Variants in FAM13A observed in about 807,000 individuals in gnomAD.
FAM13A encodes protein FAM13A.
Under a neutral mutation model 129.6 loss-of-function variants are expected in FAM13A, and 76 were observed. That is an observed-to-expected ratio of 0.59 (90% CI 0.49 to 0.71). FAM13A has a LOEUF of 0.71. Among genes scored for constraint, FAM13A ranks in the 30% least tolerant of loss-of-function variants. FAM13A has a pLI of 0.00. For synonymous variants in FAM13A, 443 were observed against 449.9 expected, an observed-to-expected ratio of 0.98 and a Z score of 0.20; for missense variants, 1,108 against 1,249.3, an observed-to-expected ratio of 0.89 and a Z score of 1.70.
intron 5 of FAM13A, among the ~76,000 whole-genome samples, chr4:88,910,993 C>T (rs1446074091): frequency 1.3e-5 from 2 of 152,178 alleles, no homozygotes; most frequent in South Asian, 4.1e-4. Context: ...TGTGAGAGGA[C>T]TTGGTCAGTC....
chr4:88,942,806 G>A (rs928161804), intron 4 of FAM13A, among the ~76,000 whole-genome samples: 3 of 152,014 alleles, frequency 2.0e-5, no homozygotes, highest in Non-Finnish European at 2.9e-5. Context: ...CTCCTTACAA[G>A]GTGAAAAATT....
intron 13 of FAM13A, among the ~76,000 whole-genome samples, chr4:88,766,603 G>T (rs1448940725): frequency 6.6e-6 from 1 of 152,126 alleles, no homozygotes; most frequent in Non-Finnish European, 1.5e-5. Flanking sequence ...TTCTAAGAGG[G>T]TCTGTAGCTT....
intron 6 of FAM13A, 118 bp from the exon 7 acceptor site, chr4:88,851,301 C>A: frequency 2.4e-6 from 2 of 822,030 alleles, no homozygotes; most frequent in African/African-American, 1.7e-5. Context: ...TTTATAACAC[C>A]CCAGAAAAAT....
intron 5 of FAM13A, among the ~76,000 whole-genome samples, chr4:88,920,503 A>C (rs1052368622): frequency 1.1e-4 from 16 of 152,332 alleles, no homozygotes; most frequent in African/African-American, 3.8e-4. Flanking sequence ...GTCTGTTAGA[A>C]GGAAAACTAA....
At chr4:88,786,105 C>T (rs977299156) in intron 10 of FAM13A, among the ~76,000 whole-genome samples, 1 of 152,132 alleles carries the variant, frequency 6.6e-6, no homozygotes, top group South Asian at 2.1e-4. Context: ...TATTTAAATT[C>T]TTCAGGAGAG....
At chr4:88,924,939 AAG>A (rs1751838020) in intron 5 of FAM13A, among the ~76,000 whole-genome samples, 1 of 151,606 alleles carries the variant, frequency 6.6e-6, no homozygotes. Context: ...ATGCAGCCAA[AAG>A]ACACATGAAA....
At chr4:88,850,848 G>C (rs1275219020) in intron 7 of FAM13A, among the ~76,000 whole-genome samples, 172 bp downstream of exon 7, 1 of 152,082 alleles carries the variant, frequency 6.6e-6, no homozygotes, top group Non-Finnish European at 1.5e-5. Context: ...TCTGTGATAA[G>C]AACTATTAGT....
chr4:88,729,235 GC>G (rs1737098459), intron 23 of FAM13A: 1 of 152,578 alleles, frequency 6.6e-6, no homozygotes, highest in African/African-American at 2.4e-5. Context: ...TATAGGTCAA[GC>G]CCTGTGCTAA....
At chr4:89,005,194 G>A (rs548772644) in intron 3 of FAM13A, among the ~76,000 whole-genome samples, 5 of 152,182 alleles carry the variant, frequency 3.3e-5, no homozygotes, top group Non-Finnish European at 5.9e-5. Flanking sequence ...ATGTTAGTTT[G>A]CTAAGGATAA....
intron 6 of FAM13A, among the ~76,000 whole-genome samples, chr4:88,858,677 G>GTCTA (rs767397248): frequency 3.3e-5 from 5 of 152,184 alleles, no homozygotes; most frequent in Non-Finnish European, 5.9e-5. Context: ...GGCAGGAAAT[G>GTCTA]TCTAGAACAC....
intron 6 of FAM13A, among the ~76,000 whole-genome samples, chr4:88,874,128 T>G (rs1310819110): frequency 2.0e-5 from 3 of 152,184 alleles, no homozygotes; most frequent in Non-Finnish European, 4.4e-5. Flanking sequence ...TAGGTACTGA[T>G]GGAACATATC....
chr4:88,932,335 A>T (rs1481676522), intron 5 of FAM13A, among the ~76,000 whole-genome samples: 1 of 152,226 alleles, frequency 6.6e-6, no homozygotes. Context: ...TCAGTAGTAA[A>T]TGAGATACAT....
chr4:88,904,119 A>G (rs1243805804), intron 6 of FAM13A, among the ~76,000 whole-genome samples: 3 of 152,150 alleles, frequency 2.0e-5, no homozygotes, highest in African/African-American at 7.2e-5. Flanking sequence ...AAGAAAGAAC[A>G]GATGCTGATG....
chr4:88,800,091 C>T (rs1421845820), intron 8 of FAM13A, among the ~76,000 whole-genome samples: 5 of 152,088 alleles, frequency 3.3e-5, no homozygotes, highest in East Asian at 3.8e-4. Flanking sequence ...ATGAGGTACC[C>T]GGAGTAGTCA....
chr4:88,861,380 CAAAAAAAAAA>C lies in FAM13A; in HGVS notation c.844-10207_844-10198del, dbSNP rs373411738. Reference sequence around the variant, plus strand: ...TGGGCAACAGAGCAAGACTCCGTCTCAAAAAAAAAAAAAAAAAAACTAAACTAAACGAAAT... The same window carrying C: ...TGGGCAACAGAGCAAGACTCCGTCTCAAAAAAAAACTAAACTAAACGAAAT... On this transcript the variant is annotated intron_variant, in intron 6 of 23. Coordinates refer to ENST00000264344, the MANE Select transcript of FAM13A (RefSeq NM_014883.4). 4.8e-5 allele frequency among the ~76,000 whole-genome samples: 4 copies of C among 83,900 alleles called. No individual in the cohort carries two copies. The East Asian group carries it at 9.6e-4, about 20-fold the overall frequency. 55.0% of individuals were successfully genotyped at this position (83,900 alleles called of 152,430 possible).
intron 5 of FAM13A, among the ~76,000 whole-genome samples, chr4:88,931,033 A>T (rs1392715630): frequency 6.6e-6 from 1 of 152,178 alleles, no homozygotes; most frequent in African/African-American, 2.4e-5. Context: ...GCCTGGGACC[A>T]GAAAGAGTGG....
At chr4:88,885,167 G>T (rs903944173) in intron 6 of FAM13A, among the ~76,000 whole-genome samples, 2 of 151,936 alleles carry the variant, frequency 1.3e-5, no homozygotes, top group Non-Finnish European at 2.9e-5. Context: ...AAATTCATAT[G>T]GAACCAAAGG....
At chr4:89,003,014 T>C (rs1764464310) in intron 3 of FAM13A, among the ~76,000 whole-genome samples, 1 of 151,896 alleles carries the variant, frequency 6.6e-6, no homozygotes, top group African/African-American at 2.4e-5. Context: ...ATAGGAAGGA[T>C]AACACAAGAA....
intron 6 of FAM13A, among the ~76,000 whole-genome samples, chr4:88,902,685 T>C (rs1747480635): frequency 6.6e-6 from 1 of 152,166 alleles, no homozygotes; most frequent in African/African-American, 2.4e-5. Context: ...AGCATTCCCG[T>C]TGAAAGCTGA....
Sources: gnomAD v4.1 joint callset for allele counts (sites outside exome capture counted in the v4.1 genomes callset) on GRCh38, gnomAD v4.1.1 for gene constraint, MANE v1.5 for transcripts, NCBI Gene and HGNC (gene_info 2026-07-23, HGNC 2026-07-21) for gene names.